SSBP3: variants seen among roughly 807,000 people sequenced by gnomAD.
SSBP3 encodes single stranded DNA binding protein 3, also known as single-stranded DNA-binding protein 3.
In SSBP3, 5 loss-of-function variants were observed where a neutral mutation model predicts 69.6. The ratio of observed to expected loss-of-function variants is 0.07; its 90% CI spans 0.04 to 0.15. The LOEUF is 0.15. Ranked by LOEUF, SSBP3 falls within the 10% of genes least tolerant of loss-of-function variation. The pLI is 1.00. For missense variants in SSBP3, 312 were observed against 534.0 expected (o/e 0.58, Z 4.10); for synonymous variants, 196 against 193.4 (o/e 1.01, Z -0.11).
At chr1:54,297,852 A>G (rs1645728811) in intron 4 of SSBP3, among the ~76,000 whole-genome samples, 1 of 152,182 alleles carries the variant, frequency 6.6e-6, no homozygotes, top group South Asian at 2.1e-4. Flanking sequence ...AAAATCATGT[A>G]GTGAGCTTTG....
intron 4 of SSBP3, among the ~76,000 whole-genome samples, chr1:54,289,792 C>T (rs1273600903): frequency 6.6e-6 from 1 of 152,044 alleles, no homozygotes; most frequent in Non-Finnish European, 1.5e-5. Context: ...GGACGCCACC[C>T]GCCCCCTGCA....
At chr1:54,281,855 G>T (rs1490811042) in intron 4 of SSBP3, among the ~76,000 whole-genome samples, 1 of 152,026 alleles carries the variant, frequency 6.6e-6, no homozygotes, top group Non-Finnish European at 1.5e-5. Flanking sequence ...CCAGCACTTT[G>T]GGAGGTTGAG....
chr1:54,333,019 G>T (rs887022313), intron 4 of SSBP3, among the ~76,000 whole-genome samples: 1 of 152,164 alleles, frequency 6.6e-6, no homozygotes, highest in African/African-American at 2.4e-5. Flanking sequence ...GACAACCAGG[G>T]CTTCCTAATA....
chr1:54,265,782 G>A (rs1645091214), intron 5 of SSBP3, among the ~76,000 whole-genome samples: 1 of 152,190 alleles, frequency 6.6e-6, no homozygotes, highest in Non-Finnish European at 1.5e-5. Context: ...TGAGCAAATG[G>A]TTCATTGATT....
chr1:54,248,363 G>A (rs1206593412), intron 9 of SSBP3, among the ~76,000 whole-genome samples: 1 of 152,206 alleles, frequency 6.6e-6, no homozygotes, highest in Non-Finnish European at 1.5e-5. Context: ...GACACCATGT[G>A]GGGACTTCAA....
At chr1:54,273,247 A>G (rs1390969740) in intron 5 of SSBP3, among the ~76,000 whole-genome samples, 1 of 152,232 alleles carries the variant, frequency 6.6e-6, no homozygotes, top group African/African-American at 2.4e-5. Flanking sequence ...ACGGCGCTAC[A>G]TGTGGAGTTC....
chr1:54,355,656 C>A (rs1205909162), intron 4 of SSBP3, among the ~76,000 whole-genome samples: 2 of 152,146 alleles, frequency 1.3e-5, no homozygotes, highest in Non-Finnish European at 2.9e-5. Flanking sequence ...AGCCTCTCCC[C>A]CAAATTCAGA....
intron 9 of SSBP3, among the ~76,000 whole-genome samples, chr1:54,248,962 C>T (rs929001363): frequency 1.3e-5 from 2 of 152,186 alleles, no homozygotes; most frequent in African/African-American, 2.4e-5. Context: ...GCCTCTCTCC[C>T]TCCCGCTGGA....
rs564220466 is a variant in SSBP3, at chr1:54,350,188, T to C, written c.276+51673A>G. 1.1e-4 allele frequency among the ~76,000 whole-genome samples: 17 copies of C among 152,324 alleles called. No individual in the cohort carries two copies. In the South Asian group the frequency reaches 3.5e-3, roughly 32 times the overall value. On this transcript the variant is annotated intron_variant, in intron 4 of 17. Coordinates refer to ENST00000610401, the Ensembl canonical transcript of SSBP3. ...CTGAAGCCTTCACCGCTGCTTCCTT[T>C]TAGGTGGTGACCTGAGAACAGGTTG...
chr1:54,406,037 C>CGCCGCG, exon 1 of SSBP3: 2 of 1,115,222 alleles, frequency 1.8e-6, no homozygotes, highest in South Asian at 3.4e-5. Context: ...CGCCGAGCCT[C>CGCCGCG]GCCGCCGCCG....
chr1:54,227,971 G>A (rs1644315409), intron 17 of SSBP3, among the ~76,000 whole-genome samples: 1 of 152,158 alleles, frequency 6.6e-6, no homozygotes, highest in Admixed American at 6.5e-5. Context: ...GGGCAATACT[G>A]CCCCAACTCT....
At chr1:54,383,196 A>T (rs1647811703) in intron 4 of SSBP3, among the ~76,000 whole-genome samples, 1 of 151,384 alleles carries the variant, frequency 6.6e-6, no homozygotes, top group Non-Finnish European at 1.5e-5. Flanking sequence ...CAACACAGTA[A>T]AACCCCATCT....
At chr1:54,270,252 C>T (rs1468306387) in intron 5 of SSBP3, among the ~76,000 whole-genome samples, 1 of 152,166 alleles carries the variant, frequency 6.6e-6, no homozygotes, top group Non-Finnish European at 1.5e-5. Context: ...GGTGAAGACC[C>T]AGCTCCCCAG....
chr1:54,318,145 A>C (rs1646147597), intron 4 of SSBP3, among the ~76,000 whole-genome samples: 1 of 152,150 alleles, frequency 6.6e-6, no homozygotes, highest in African/African-American at 2.4e-5. Context: ...AAAGACTTTG[A>C]ACCAAGGCAA....
rs771724967 is a variant in SSBP3, at chr1:54,240,107, T to TGCGC, written c.856+794_856+797dup. Among the ~76,000 whole-genome samples the TGCGC allele has an allele frequency of 3.1e-4, 42 of 134,634 alleles. 1 individual carries two copies. The highest frequency in any genetic ancestry group is 7.6e-3 in the Middle Eastern group (2 of 264). The allele number at this position is 134,634 out of a possible 152,430, so 88.3% of individuals were successfully genotyped here. On this transcript the variant is annotated intron_variant, in intron 13 of 17. Transcript: ENST00000610401. ...GTGTGTGCGCGCGCGCGCGTGTGCG[T>TGCGC]GCGCGCGCGCGCGCAACACATGCCC...
chr1:54,351,742 C>T (rs1332698462), intron 4 of SSBP3, among the ~76,000 whole-genome samples: 2 of 152,198 alleles, frequency 1.3e-5, no homozygotes, highest in Non-Finnish European at 2.9e-5. Flanking sequence ...GGAGTGACCT[C>T]GCTGGGCCTT....
At chr1:54,395,578 G>A (rs935729274) in intron 4 of SSBP3, among the ~76,000 whole-genome samples, 1 of 152,130 alleles carries the variant, frequency 6.6e-6, no homozygotes, top group Non-Finnish European at 1.5e-5. Context: ...AGGGACGGGC[G>A]GTGGGGGGGT....
chr1:54,389,538 G>GGGT (rs1375805729), intron 4 of SSBP3, among the ~76,000 whole-genome samples: 1 of 151,746 alleles, frequency 6.6e-6, no homozygotes, highest in Non-Finnish European at 1.5e-5. Flanking sequence ...GCTGGGCAGG[G>GGGT]GGTCATCAAT....
intron 9 of SSBP3, among the ~76,000 whole-genome samples, chr1:54,247,997 G>A (rs1208503825): frequency 6.6e-6 from 1 of 152,220 alleles, no homozygotes; most frequent in Non-Finnish European, 1.5e-5. Flanking sequence ...GGTGATACCT[G>A]CGTTGCTGGT....
Sources: allele counts gnomAD v4.1 joint callset (sites outside exome capture counted in the v4.1 genomes callset), GRCh38; gene constraint gnomAD v4.1.1; transcripts MANE v1.5; gene names NCBI Gene and HGNC (gene_info 2026-07-23, HGNC 2026-07-21).